The following PEAK1 variants were observed in gnomAD, a reference collection of about 807,000 sequenced individuals.
PEAK1 encodes inactive tyrosine-protein kinase PEAK1.
Under a neutral mutation model 124.7 loss-of-function variants are expected in PEAK1, and 54 were observed. The observed-to-expected ratio is 0.43, with a 90% CI of 0.35 to 0.54. The LOEUF is 0.54. PEAK1 is among the 20% of genes least tolerant of loss of function. PEAK1 has a pLI of 0.01. For synonymous variants in PEAK1, 719 were observed against 760.0 expected, an observed-to-expected ratio of 0.95 and a Z score of 0.89; for missense variants, 2,046 against 2,134.5, an observed-to-expected ratio of 0.96 and a Z score of 0.82.
chr15:77,290,962 G>A (rs894087700), intron 2 of PEAK1, among the ~76,000 whole-genome samples: 3 of 152,166 alleles, frequency 2.0e-5, no homozygotes, highest in Admixed American at 1.3e-4. Flanking sequence ...TATTTTAAGC[G>A]TTTAACTATA....
chr15:77,154,775 G>C (rs1342641219), intron 8 of PEAK1, among the ~76,000 whole-genome samples: 1 of 151,744 alleles, frequency 6.6e-6, no homozygotes, highest in Non-Finnish European at 1.5e-5. Context: ...GAAATTGTGG[G>C]TTGAAAATTC....
chr15:77,350,496 G>T (rs1449805933), intron 2 of PEAK1: 4 of 984,428 alleles, frequency 4.1e-6, no homozygotes, highest in Non-Finnish European at 4.8e-6. Flanking sequence ...TGTCTTCTAA[G>T]AATTTTTTAA....
At chr15:77,148,265 G>C (rs114511832) in intron 8 of PEAK1, among the ~76,000 whole-genome samples, 1 of 152,122 alleles carries the variant, frequency 6.6e-6, no homozygotes, top group Non-Finnish European at 1.5e-5. Flanking sequence ...TCTGAAGGAG[G>C]GTAATCAAGG....
At chr15:77,304,756 T>A (rs1012338235) in intron 2 of PEAK1, among the ~76,000 whole-genome samples, 31 of 152,190 alleles carry the variant, frequency 2.0e-4, no homozygotes, top group Non-Finnish European at 5.9e-5. Flanking sequence ...CAATCCTGTA[T>A]ACATTTTCTT....
intron 9 of PEAK1, among the ~76,000 whole-genome samples, chr15:77,119,367 G>C (rs1397962038): frequency 1.3e-5 from 2 of 152,226 alleles, no homozygotes; most frequent in African/African-American, 2.4e-5. Flanking sequence ...CTGGCTGCTT[G>C]TCTGGGTTAA....
chr15:77,346,462 G>C, intron 2 of PEAK1: 1 of 985,328 alleles, frequency 1.0e-6, no homozygotes, highest in Non-Finnish European at 1.2e-6. Flanking sequence ...ACTCAAGCAG[G>C]ACTGAAGCAG....
chr15:77,416,716 T>C (rs996608430), intron 1 of PEAK1, among the ~76,000 whole-genome samples: 1 of 152,216 alleles, frequency 6.6e-6, no homozygotes, highest in Admixed American at 6.5e-5. Context: ...AATGTAGTTG[T>C]CCAAATTGAG....
intron 6 of PEAK1, among the ~76,000 whole-genome samples, chr15:77,202,712 T>C (rs1186820717): frequency 6.7e-6 from 1 of 150,112 alleles, no homozygotes; most frequent in Non-Finnish European, 1.5e-5. Context: ...GAGCTTGCAG[T>C]GAGCCGAGAT....
Position 77,321,655 on chromosome 15 carries a change from GT to G in PEAK1, c.-602-35152del, listed in dbSNP as rs1240000982. On this transcript the variant is annotated intron_variant, in intron 2 of 9. Transcript: ENST00000682557. Reference sequence around the variant, plus strand: ...TCTTTTGCTGTGCAGAAGCTCTTTAGTTTAATTAGATCCCAATTGTCAATTT... The same window carrying G: ...TCTTTTGCTGTGCAGAAGCTCTTTAGTTAATTAGATCCCAATTGTCAATTT... Among the ~76,000 whole-genome samples the G allele has an allele frequency of 5.3e-5, 8 of 152,164 alleles. No individual in the cohort carries two copies. The East Asian group carries it at 1.5e-3, about 29-fold the overall frequency.
chr15:77,177,069 G>A (rs939512702), intron 7 of PEAK1, among the ~76,000 whole-genome samples: 3 of 152,006 alleles, frequency 2.0e-5, no homozygotes, highest in African/African-American at 7.2e-5. Flanking sequence ...TGATTCTCTT[G>A]CCTGAGCCTC....
intron 8 of PEAK1, among the ~76,000 whole-genome samples, chr15:77,139,313 A>T (rs1290775809): frequency 6.6e-6 from 1 of 152,178 alleles, no homozygotes; most frequent in Non-Finnish European, 1.5e-5. Context: ...GCTGTTTTAC[A>T]GTTTTTTAAA....
chr15:77,194,321 C>T (rs2058001670), intron 6 of PEAK1, among the ~76,000 whole-genome samples: 1 of 152,148 alleles, frequency 6.6e-6, no homozygotes, highest in Admixed American at 6.5e-5. Flanking sequence ...TAAAATACAG[C>T]TCCTTAACTA....
At chr15:77,278,660 G>A (rs2062470655) in intron 5 of PEAK1, 1 of 522,526 alleles carries the variant, frequency 1.9e-6, no homozygotes, top group African/African-American at 1.9e-5. Context: ...TGGCAAGGAG[G>A]GGAATAAGCC....
At chr15:77,283,312 T>C (rs1452506450) in intron 5 of PEAK1, among the ~76,000 whole-genome samples, 1 of 152,196 alleles carries the variant, frequency 6.6e-6, no homozygotes, top group African/African-American at 2.4e-5. Flanking sequence ...ACAGAAAACA[T>C]GCAGTTAATC....
intron 9 of PEAK1, among the ~76,000 whole-genome samples, chr15:77,129,700 C>T (rs2052693172): frequency 6.6e-6 from 1 of 151,784 alleles, no homozygotes; most frequent in South Asian, 2.1e-4. Context: ...TCTGCCTCAG[C>T]CTCCCAAACT....
At chr15:77,395,720 C>T (rs2070829178) in intron 1 of PEAK1, among the ~76,000 whole-genome samples, 1 of 151,944 alleles carries the variant, frequency 6.6e-6, no homozygotes, top group African/African-American at 2.4e-5. Context: ...GTGAAAGTAT[C>T]CTTCAAACAT....
chr15:77,336,138 C>T, intron 2 of PEAK1: 2 of 985,354 alleles, frequency 2.0e-6, no homozygotes, highest in Non-Finnish European at 2.4e-6. Flanking sequence ...GGGGTCTCTC[C>T]AAAAGACAGA....
intron 6 of PEAK1, among the ~76,000 whole-genome samples, chr15:77,190,638 TTAACTG>T (rs2057787071): frequency 6.6e-6 from 1 of 152,282 alleles, no homozygotes; most frequent in East Asian, 1.9e-4. Flanking sequence ...GCACACTACT[TTAACTG>T]TAAGAAATAA....
chr15:77,145,765 A>C (rs1390553170), intron 8 of PEAK1, among the ~76,000 whole-genome samples: 1 of 152,196 alleles, frequency 6.6e-6, no homozygotes, highest in Non-Finnish European at 1.5e-5. Context: ...CCTCCAGGCA[A>C]AGGCTTTCAT....
Sources: gnomAD v4.1 joint callset for allele counts (sites outside exome capture counted in the v4.1 genomes callset) on GRCh38, gnomAD v4.1.1 for gene constraint, MANE v1.5 for transcripts, NCBI Gene and HGNC (gene_info 2026-07-23, HGNC 2026-07-21) for gene names.